The following MICU2 variants were observed in gnomAD, a reference collection of about 807,000 sequenced individuals.
The protein encoded by MICU2 is mitochondrial calcium uptake 2.
Under a neutral mutation model 60.4 loss-of-function variants are expected in MICU2, and 64 were observed. The observed-to-expected ratio is 1.06, with a 90% CI of 0.87 to 1.31. The LOEUF (loss-of-function observed/expected upper bound fraction) is 1.31. Ranked by LOEUF, MICU2 falls within the 50% of genes most tolerant of loss-of-function variation. The probability of loss-of-function intolerance (pLI) is 0.00; values close to 1 mark genes in which losing one functional copy is unlikely to be tolerated. For missense variants in MICU2, 569 were observed against 531.0 expected, an observed-to-expected ratio of 1.07 and a Z score of -0.70; for synonymous variants, 201 against 175.0, an observed-to-expected ratio of 1.15 and a Z score of -1.17.
chr13:21,552,009 ACT>A (rs1450895039), intron 2 of MICU2, among the ~76,000 whole-genome samples: 1 of 152,100 alleles, frequency 6.6e-6, no homozygotes, highest in Non-Finnish European at 1.5e-5. Context: ...GAATCGCCAC[ACT>A]GACTTCCACA....
At chr13:21,501,542 G>C (rs193285110) in intron 9 of MICU2, among the ~76,000 whole-genome samples, 1 of 152,182 alleles carries the variant, frequency 6.6e-6, no homozygotes, top group Non-Finnish European at 1.5e-5. Context: ...GATTACAGGC[G>C]TGATCATATA....
Position 21,525,181 on chromosome 13 carries a change from ATTTTTTTTTTT to A in MICU2, c.467-2542_467-2532del, listed in dbSNP as rs71093324. On this transcript the variant is annotated intron_variant, in intron 4 of 11. Transcript: ENST00000382374. ...TCATACAGTAATGCTGTGTAATTCA[ATTTTTTTTTTT>A]TTTTTTTTTTTTTTTTTTGAGATGG... 5.2e-3 allele frequency among the ~76,000 whole-genome samples: 437 copies of A among 83,300 alleles called. 2 individuals carry two copies. Among genetic ancestry groups the A allele is most frequent in the African/African-American group, 0.019 (371 of 19,402 alleles). 54.6% of individuals were successfully genotyped at this position (83,300 alleles called of 152,430 possible). A position where few individuals can be genotyped will look rare whatever the true frequency, so the allele number is the denominator to read the frequency against.
intron 8 of MICU2, among the ~76,000 whole-genome samples, chr13:21,504,576 C>G (rs80281075): frequency 0.011 from 1,649 of 152,208 alleles, 31 homozygotes; most frequent in African/African-American, 0.038. Context: ...TAACATGAAA[C>G]TCTGGAACAT....
intron 8 of MICU2, among the ~76,000 whole-genome samples, chr13:21,506,448 A>G (rs1229532291): frequency 6.6e-6 from 1 of 152,168 alleles, no homozygotes; most frequent in East Asian, 1.9e-4. Flanking sequence ...GTATTTGCAC[A>G]AATTCATGGT....
intron 4 of MICU2, among the ~76,000 whole-genome samples, chr13:21,530,426 C>T (rs1593328631): frequency 6.7e-6 from 1 of 150,106 alleles, no homozygotes; most frequent in East Asian, 2.0e-4. Flanking sequence ...TCACTAAGGT[C>T]TTTCTCCCAA....
At chr13:21,541,252 T>TAAA (rs34173867) in intron 2 of MICU2, among the ~76,000 whole-genome samples, 1 of 147,676 alleles carries the variant, frequency 6.8e-6, no homozygotes, top group Non-Finnish European at 1.5e-5. Flanking sequence ...AAAAATCTGT[T>TAAA]AAAAAAAAAA....
intron 1 of MICU2, among the ~76,000 whole-genome samples, chr13:21,597,308 T>C (rs1294872634): frequency 6.8e-6 from 1 of 147,632 alleles, no homozygotes; most frequent in African/African-American, 2.7e-5. Flanking sequence ...AAGTCTCTTA[T>C]TTACTTATGT....
chr13:21,534,612 GC>G (rs1174465369), intron 4 of MICU2, among the ~76,000 whole-genome samples: 6 of 152,098 alleles, frequency 3.9e-5, no homozygotes, highest in African/African-American at 1.4e-4. Context: ...ACACAGAAAG[GC>G]TAAAAGTGCA....
At chr13:21,562,967 T>C (rs1258049669) in intron 2 of MICU2, among the ~76,000 whole-genome samples, 4 of 152,258 alleles carry the variant, frequency 2.6e-5, no homozygotes, top group Non-Finnish European at 5.9e-5. Flanking sequence ...TCTGAGAATG[T>C]ATTTCTTTTT....
At chr13:21,588,036 C>T (rs544485639) in intron 1 of MICU2, among the ~76,000 whole-genome samples, 1 of 151,866 alleles carries the variant, frequency 6.6e-6, no homozygotes, top group African/African-American at 2.4e-5. Flanking sequence ...CAATACAGAC[C>T]CCAGTGTCAA....
At chr13:21,595,477 G>A (rs531661513) in intron 1 of MICU2, among the ~76,000 whole-genome samples, 1 of 152,366 alleles carries the variant, frequency 6.6e-6, no homozygotes, top group Admixed American at 6.5e-5. Context: ...ACACACTGGT[G>A]GGTGGCTTCC....
At chr13:21,583,036 AT>A (rs1303852284) in intron 1 of MICU2, 1 of 152,662 alleles carries the variant, frequency 6.6e-6, no homozygotes, top group Non-Finnish European at 1.5e-5. Flanking sequence ...TACAACTATA[AT>A]TTAAGATGGA....
intron 2 of MICU2, among the ~76,000 whole-genome samples, chr13:21,547,135 C>G (rs1383388305): frequency 6.6e-6 from 1 of 152,156 alleles, no homozygotes; most frequent in Non-Finnish European, 1.5e-5. Context: ...TATGTACTTA[C>G]TGCCTTTTAT....
chr13:21,529,744 T>A (rs1886941930), intron 4 of MICU2, among the ~76,000 whole-genome samples: 1 of 152,198 alleles, frequency 6.6e-6, no homozygotes, highest in African/African-American at 2.4e-5. Flanking sequence ...ATCATCTCTA[T>A]TTTACAGATG....
chr13:21,581,645 C>A, intron 1 of MICU2, among the ~76,000 whole-genome samples: 1 of 151,806 alleles, frequency 6.6e-6, no homozygotes, highest in African/African-American at 2.4e-5. Context: ...TTAAGTAGTG[C>A]ACGTTAGAAT....
intron 1 of MICU2, among the ~76,000 whole-genome samples, chr13:21,575,444 C>T (rs913321744): frequency 1.3e-5 from 2 of 150,680 alleles, no homozygotes; most frequent in Non-Finnish European, 3.0e-5. Context: ...AAGACTAGGC[C>T]GAGTAGGGTG....
intron 2 of MICU2, among the ~76,000 whole-genome samples, chr13:21,549,209 G>T (rs536254222): frequency 6.6e-6 from 1 of 152,078 alleles, no homozygotes; most frequent in African/African-American, 2.4e-5. Flanking sequence ...GATTACAGGC[G>T]TGAGCTAGCG....
At chr13:21,550,405 G>A (rs1294835590) in intron 2 of MICU2, among the ~76,000 whole-genome samples, 1 of 152,134 alleles carries the variant, frequency 6.6e-6, no homozygotes, top group Non-Finnish European at 1.5e-5. Context: ...GAGTACAGCG[G>A]CATGTGCCTG....
chr13:21,513,841 G>A (rs1886495488), intron 7 of MICU2, among the ~76,000 whole-genome samples: 2 of 143,528 alleles, frequency 1.4e-5, no homozygotes, highest in African/African-American at 5.2e-5. Flanking sequence ...TATTAAAACA[G>A]AAAAAATAAT....
Sources: allele counts gnomAD v4.1 joint callset (sites outside exome capture counted in the v4.1 genomes callset), GRCh38; gene constraint gnomAD v4.1.1; transcripts MANE v1.5; gene names NCBI Gene and HGNC (gene_info 2026-07-23, HGNC 2026-07-21).